KLHL30: variants seen among roughly 807,000 people sequenced by gnomAD.
KLHL30 encodes the protein kelch-like protein 30.
In KLHL30, 55 loss-of-function variants were observed where a neutral mutation model predicts 55.0. That is an observed-to-expected ratio of 1.00 (90% CI 0.80 to 1.25). KLHL30 has a LOEUF of 1.25. Ranked by LOEUF, KLHL30 falls within the 50% of genes most tolerant of loss-of-function variation. The pLI is 0.00. For missense variants in KLHL30, 786 were observed against 811.6 expected, an observed-to-expected ratio of 0.97 and a Z score of 0.38; for synonymous variants, 356 against 372.6, an observed-to-expected ratio of 0.96 and a Z score of 0.51.
intron 3 of KLHL30, among the ~76,000 whole-genome samples, chr2:238,144,682 T>C (rs529922508): frequency 4.3e-4 from 66 of 152,182 alleles, no homozygotes; most frequent in Non-Finnish European, 6.6e-4. Flanking sequence ...CCACTCTGAG[T>C]TCCAGGCTCT....
Position 238,152,185 on chromosome 2 carries a change from C to T in KLHL30, c.*1120C>T, listed in dbSNP as rs963461221. On this transcript the variant is annotated 3_prime_UTR_variant, in exon 8 of 8. Coordinates refer to ENST00000409223, the MANE Select transcript of KLHL30 (RefSeq NM_198582.4). ...GAGGCCCTGGGCAGCTCCGGTCTCC[C>T]GCCGGATCCAGGCTTCCTCTCCAGG... The T allele has an allele frequency of 3.0e-5, 30 of 985,206 alleles. No individual in the cohort carries two copies. The South Asian group carries it at 5.2e-4, about 17-fold the overall frequency. The allele number at this position is 985,206 out of a possible 1,614,324, so 61.0% of individuals were successfully genotyped here.
intron 1 of KLHL30, among the ~76,000 whole-genome samples, chr2:238,140,322 C>T (rs1196659328): frequency 6.6e-6 from 1 of 152,202 alleles, no homozygotes; most frequent in Non-Finnish European, 1.5e-5. Flanking sequence ...GAGGACGCCT[C>T]CCGGGAGTTT....
At chr2:238,148,107 G>T in intron 6 of KLHL30, 85 bp downstream of exon 6, 1 of 1,241,044 alleles carries the variant, frequency 8.1e-7, no homozygotes, top group South Asian at 2.0e-5. Context: ...GTGAGGATTG[G>T]GGCTCCTGAG....
chr2:238,150,875 A>G lies in KLHL30; in HGVS notation c.1547A>G (p.Tyr516Cys). ...CTGGTGCCACTGGGTGATGCGCTGT[A>G]CGTGACGGGCGGCCGCTGGCAGGGC... ...GALVPLGDAL[Y>C]VTGGRWQGME... Residue 516 changes from tyrosine to cysteine, a missense_variant, in exon 8 of 8, where the codon TAC (tyrosine) becomes TGC (cysteine). By Grantham distance (194) the Tyr-to-Cys change is radical (BLOSUM62 -2). Coordinates refer to ENST00000409223, the MANE Select transcript of KLHL30 (RefSeq NM_198582.4). 1 of 1,597,258 alleles carries G rather than the reference A, an allele frequency of 6.3e-7. No homozygotes were observed. Among genetic ancestry groups the G allele is most frequent in the Non-Finnish European group, 8.5e-7 (1 of 1,173,358 alleles).
rs199826847 is a variant in KLHL30, at chr2:238,141,280, C to A, written c.526C>A (p.Arg176=). The A allele has an allele frequency of 1.7e-5, 28 of 1,601,832 alleles. No individual in the cohort carries two copies. Among genetic ancestry groups the A allele is most frequent in the Non-Finnish European group, 2.4e-5 (28 of 1,177,984 alleles). Residue 176 remains arginine, a synonymous_variant, in exon 2 of 8, where the codon CGA becomes AGA. Transcript: ENST00000409223. ...AREDEFLQLP[R]ERLVTCLAGD... The stretch of plus-strand genomic sequence containing the variant: ...TGAGGACGAGTTCCTGCAGCTTCCC[C>A]GAGAGCGGCTGGTCACTTGTCTGGC...
intron 7 of KLHL30, among the ~76,000 whole-genome samples, chr2:238,149,919 G>GCC (rs1692720768): frequency 6.6e-6 from 1 of 152,164 alleles, no homozygotes; most frequent in Admixed American, 6.5e-5. Flanking sequence ...CTGCCCACCT[G>GCC]CCCCAAGACT....
Position 238,147,418 on chromosome 2 carries a change from C to T in KLHL30, c.1151-416C>T, listed in dbSNP as rs942084865. Among the ~76,000 whole-genome samples, 38 of 152,132 alleles carry T rather than the reference C, an allele frequency of 2.5e-4. No individual in the cohort carries two copies. Among genetic ancestry groups the T allele is most frequent in the Non-Finnish European group, 4.6e-4 (31 of 68,006 alleles). ...CATCACTGCCACACCCAGATTGTAT[C>T]TGGGACTGGGAGGGAGCTGCCTACA... On this transcript the variant is annotated intron_variant, in intron 5 of 7. Transcript: ENST00000409223. This position sits in a 1 kb window ranked among gnomAD's most constrained non-coding sequence, Gnocchi z 5.8.
Position 238,151,055 on chromosome 2 carries a change from AG to A in KLHL30, c.1729del (p.Glu577SerfsTer133). ...TGGACCCAGCCCTCCGGCCCCACCC[AG>A]GAGCACTAAACCAGGGCCAGGGTCC... is the stretch of plus-strand genomic sequence containing the variant. ...SKWTQPSGPT[Q>X]EH On this transcript the variant is annotated frameshift_variant, in exon 8 of 8. Coordinates refer to ENST00000409223, the MANE Select transcript of KLHL30 (RefSeq NM_198582.4). LOFTEE classifies it high-confidence loss of function. 2 of 1,591,978 alleles carry A rather than the reference AG, an allele frequency of 1.3e-6. No individual in the cohort carries two copies. Among genetic ancestry groups the A allele is most frequent in the East Asian group, 2.3e-5 (1 of 43,766 alleles).
chr2:238,147,873 C>G lies in KLHL30; in HGVS notation c.1190C>G (p.Pro397Arg). ...GTGGTGGAGGTGGAGAGCTATGACC[C>G]CTACACGGACAGCTGGACGCCCGTC... is the stretch of plus-strand genomic sequence containing the variant. ...LDVVEVESYD[P>R]YTDSWTPVSP... is the part of the protein sequence containing the mutation. Residue 397 changes from proline to arginine, a missense_variant, in exon 6 of 8, where the codon CCC (proline) becomes CGC (arginine). Pro to Arg is a moderately radical substitution (Grantham distance 103). Coordinates refer to ENST00000409223, the MANE Select transcript of KLHL30 (RefSeq NM_198582.4). This position sits in a 1 kb window ranked among gnomAD's most constrained non-coding sequence, Gnocchi z 5.8. The G allele has an allele frequency of 6.3e-7, 1 of 1,592,076 alleles. No homozygotes were observed.
chr2:238,147,961 G>C lies in KLHL30; in HGVS notation c.1278G>C (p.Leu426=). 3 of 1,574,534 alleles carry C rather than the reference G, an allele frequency of 1.9e-6. No individual in the cohort carries two copies. In the South Asian group the frequency reaches 3.5e-5, roughly 18 times the overall value. ...SAAGCRGRLY[L]VGSSACKYNA... Reference sequence around the variant, plus strand: ...CCGGCTGCCGGGGCCGGCTCTACCTGGTGGGCTCCAGCGCCTGCAAGTACA... The same window carrying C: ...CCGGCTGCCGGGGCCGGCTCTACCTCGTGGGCTCCAGCGCCTGCAAGTACA... The change falls in exon 6 of 8, where the codon CTG becomes CTC. Residue 426 remains leucine, a synonymous_variant. Coordinates refer to ENST00000409223, the MANE Select transcript of KLHL30 (RefSeq NM_198582.4). The surrounding 1 kb of genome is among the most constrained non-coding windows in gnomAD (Gnocchi z 5.8).
chr2:238,146,370 C>A (rs1692648652), intron 5 of KLHL30, among the ~76,000 whole-genome samples: 1 of 150,402 alleles, frequency 6.6e-6, no homozygotes, highest in Admixed American at 6.6e-5. Flanking sequence ...GAGACCCTGT[C>A]TCCCTTTTTA....
chr2:238,144,430 G>GGAAT (rs1559276038), intron 3 of KLHL30, among the ~76,000 whole-genome samples: 9 of 89,922 alleles, frequency 1.0e-4, no homozygotes, highest in East Asian at 3.3e-4. Context: ...AAGGAAGGAA[G>GGAAT]GAAGGCAGGC....
intron 7 of KLHL30, among the ~76,000 whole-genome samples, chr2:238,149,972 C>G (rs554993273): frequency 1.3e-5 from 2 of 152,290 alleles, no homozygotes. Flanking sequence ...CTTCCTGCAG[C>G]CCCCCTGCAG....
chr2:238,142,836 T>TGGTGGTGGTGGGCGGGCA lies in KLHL30; in HGVS notation c.815_832dup (p.Val272_Gln277dup), dbSNP rs758307133. 2.0e-5 allele frequency: 29 copies of TGGTGGTGGTGGGCGGGCA among 1,447,708 alleles called. No individual in the cohort carries two copies. In the South Asian group the frequency reaches 3.3e-4, roughly 16 times the overall value. The allele number at this position is 1,447,708 out of a possible 1,614,324, so 89.7% of individuals were successfully genotyped here. On this transcript the variant is annotated inframe_insertion, in exon 3 of 8. Transcript: ENST00000409223. ...CTCCAGCAGAAGCTGGAGGAGGTCCTGGTGGTGGTGGGCGGGCAGGCGCTG... is the reference window on the plus strand; with the variant it reads ...CTCCAGCAGAAGCTGGAGGAGGTCCTGGTGGTGGTGGGCGGGCAGGTGGTGGTGGGCGGGCAGGCGCTG...
intron 7 of KLHL30, among the ~76,000 whole-genome samples, chr2:238,149,511 C>A (rs1692714051): frequency 6.6e-6 from 1 of 152,208 alleles, no homozygotes; most frequent in South Asian, 2.1e-4. Flanking sequence ...CCCTTGAGGA[C>A]AGGGGTGACG....
At position 238,147,968 on chromosome 2, in the gene KLHL30, T is replaced by C; in HGVS notation, c.1285T>C (p.Ser429Pro). 4 of 1,564,698 alleles carry C rather than the reference T, an allele frequency of 2.6e-6. No homozygotes were observed. Among genetic ancestry groups the C allele is most frequent in the Non-Finnish European group, 3.5e-6 (4 of 1,156,278 alleles). Reference sequence around the variant, plus strand: ...CCGGGGCCGGCTCTACCTGGTGGGCTCCAGCGCCTGCAAGTACAACGCCCT... The same window carrying C: ...CCGGGGCCGGCTCTACCTGGTGGGCCCCAGCGCCTGCAAGTACAACGCCCT... The part of the protein sequence containing the change: ...GCRGRLYLVG[S>P]SACKYNALAL... Residue 429 changes from serine to proline, a missense_variant, in exon 6 of 8, where the codon TCC becomes CCC. Transcript: ENST00000409223. This position sits in a 1 kb window ranked among gnomAD's most constrained non-coding sequence, Gnocchi z 5.8.
In KLHL30 at chr2:238,147,879, C is replaced by T. The variant is rs757873571; in HGVS notation, c.1196C>T (p.Thr399Met). 9.4e-6 allele frequency: 15 copies of T among 1,594,942 alleles called. No homozygotes were observed. Among genetic ancestry groups the T allele is most frequent in the Admixed American group, 1.7e-5 (1 of 58,174 alleles). The change falls in exon 6 of 8, where the codon ACG (threonine) becomes ATG (methionine). Residue 399 changes from threonine (T) to methionine (M), a missense_variant. Coordinates refer to ENST00000409223, the MANE Select transcript of KLHL30 (RefSeq NM_198582.4). This position sits in a 1 kb window ranked among gnomAD's most constrained non-coding sequence, Gnocchi z 5.8. ...GAGGTGGAGAGCTATGACCCCTACACGGACAGCTGGACGCCCGTCAGCCCG... is the reference window on the plus strand; with the variant it reads ...GAGGTGGAGAGCTATGACCCCTACATGGACAGCTGGACGCCCGTCAGCCCG... ...VVEVESYDPY[T>M]DSWTPVSPAL...
intron 5 of KLHL30, 43 bp downstream of exon 5, chr2:238,145,875 C>T: frequency 6.6e-7 from 1 of 1,520,796 alleles, no homozygotes; most frequent in African/African-American, 1.4e-5. Flanking sequence ...CTGGTTCTAG[C>T]CTCTCATCCC....
chr2:238,139,676 A>G (rs1692496221), intron 1 of KLHL30, among the ~76,000 whole-genome samples: 1 of 152,072 alleles, frequency 6.6e-6, no homozygotes, highest in African/African-American at 2.4e-5. Context: ...TGTCATTTCC[A>G]TGCGTGGCGT....
Sources: allele counts gnomAD v4.1 joint callset (sites outside exome capture counted in the v4.1 genomes callset), GRCh38; gene constraint gnomAD v4.1.1; non-coding constraint Gnocchi (gnomAD v3.1); transcripts MANE v1.5; gene names NCBI Gene and HGNC (gene_info 2026-07-23, HGNC 2026-07-21).